PEX6: variants seen among roughly 807,000 people sequenced by gnomAD.
PEX6 encodes peroxisomal biogenesis factor 6.
In PEX6, 55 loss-of-function variants were observed where a neutral mutation model predicts 85.6. That is an observed-to-expected ratio of 0.64 (90% CI 0.52 to 0.80). The LOEUF (loss-of-function observed/expected upper bound fraction) is 0.80. Ranked by LOEUF, PEX6 falls within the 30% of genes least tolerant of loss-of-function variation. The pLI is 0.00. For missense variants in PEX6, 1,099 were observed against 1,260.3 expected (o/e 0.87, Z 1.94); for synonymous variants, 519 against 549.1 (o/e 0.95, Z 0.77).
At chr6:42,970,081 GCAC>G in intron 3 of PEX6, 94 bp from the exon 4 acceptor site, 1 of 959,062 alleles carries the variant, frequency 1.0e-6, no homozygotes, top group East Asian at 2.4e-5. Context: ...ACAAACAAAA[GCAC>G]CACAAGAGCG....
intron 7 of PEX6, among the ~76,000 whole-genome samples, chr6:42,967,942 T>TC (rs1352803789): frequency 2.0e-4 from 24 of 122,052 alleles, no homozygotes; most frequent in South Asian, 5.5e-4. Context: ...GCCCCCCCGC[T>TC]CCCCCTTTTT....
In PEX6 at chr6:42,964,665, G is replaced by A; in HGVS notation, c.2806+125C>T. Reference sequence around the variant, plus strand: ...AGTTGGGGTCTCTCTGTGTTGCCCAGGCTGGCCTCAAACTCCTGGGCTCAA... The same window carrying A: ...AGTTGGGGTCTCTCTGTGTTGCCCAAGCTGGCCTCAAACTCCTGGGCTCAA... On this transcript the variant is annotated intron_variant, in intron 16 of 16. Transcript: ENST00000304611. This position sits in a 1 kb window ranked among gnomAD's most constrained non-coding sequence, Gnocchi z 4.6. 1 of 1,389,534 alleles carries A rather than the reference G, an allele frequency of 7.2e-7. No homozygotes were observed. The highest frequency in any genetic ancestry group is 1.0e-6 in the Non-Finnish European group (1 of 981,668). 86.1% of individuals were successfully genotyped at this position (1,389,534 alleles called of 1,614,324 possible).
At position 42,965,564 on chromosome 6, in the gene PEX6, T is replaced by C. The variant is rs1403442342; in HGVS notation, c.2471+117A>G. 1.1e-5 allele frequency: 10 copies of C among 923,890 alleles called. No homozygotes were observed. The highest frequency in any genetic ancestry group is 1.6e-5 in the Non-Finnish European group (9 of 552,196). The allele number at this position is 923,890 out of a possible 1,614,324, so 57.2% of individuals were successfully genotyped here. The stretch of plus-strand genomic sequence containing the variant: ...TGGCCCCTTTCAGCTTCCATTATAT[T>C]ATCTCAGAACTGAAACAGCAGGAAC... On this transcript the variant is annotated intron_variant, in intron 13 of 16. Transcript: ENST00000304611. This position sits in a 1 kb window ranked among gnomAD's most constrained non-coding sequence, Gnocchi z 5.0.
In PEX6 at chr6:42,969,669, C is replaced by G; in HGVS notation, c.1366G>C (p.Gly456Arg). 2 of 1,612,634 alleles carry G rather than the reference C, an allele frequency of 1.2e-6. No homozygotes were observed. The highest frequency in any genetic ancestry group is 1.7e-6 in the Non-Finnish European group (2 of 1,179,994). ...CAVLKPRLQP[G>R]GALLTGTSSV... ...CCCTGGGGTGATGACCTCACTCACC[C>G]TGGCTGGAGGCGAGGCTTCAGGACA... Residue 456 changes from glycine to arginine, a missense_variant and splice_region_variant, in exon 5 of 17, where the codon GGG becomes CGG. By Grantham distance (125) the Gly-to-Arg change is moderately radical. This residue lies in a region of PEX6 where 579 missense variants were observed against 611.6 expected (regional missense o/e 0.95). Coordinates refer to ENST00000304611, the MANE Select transcript of PEX6 (RefSeq NM_000287.4).
rs1371507879 is a variant in PEX6 at position 42,966,226 on chromosome 6, C to T, written c.2300+16G>A. ...CCCCTGATCCACCCACCATCCCTTC[C>T]AGGCCCCCTGGCCACCTGAGGAAGG... On this transcript the variant is annotated intron_variant, in intron 11 of 16. Transcript: ENST00000304611. The T allele has an allele frequency of 1.2e-6, 2 of 1,611,774 alleles. No homozygotes were observed. Among genetic ancestry groups the T allele is most frequent in the Admixed American group, 1.7e-5 (1 of 59,996 alleles).
intron 6 of PEX6, 118 bp downstream of exon 6, chr6:42,968,756 G>A: frequency 1.2e-6 from 1 of 855,774 alleles, no homozygotes; most frequent in East Asian, 2.4e-5. Context: ...GACCCACTGG[G>A]CTGAAGTGCT....
Position 42,978,400 on chromosome 6 carries a change from G to A in PEX6, c.751C>T (p.Leu251Phe), listed in dbSNP as rs769332435. The change falls in exon 1 of 17, where the codon CTC (leucine) becomes TTC (phenylalanine). Residue 251 changes from leucine to phenylalanine, a missense_variant. Transcript: ENST00000304611. ...RVQVLEPRWD[L>F]SDRLGPGSGP... is the part of the protein sequence containing the mutation. ...GAGCCGGGTCCCAGTCTATCAGAGAGGTCCCAGCGAGGTTCTAGGACCTGC... is the reference window on the plus strand; with the variant it reads ...GAGCCGGGTCCCAGTCTATCAGAGAAGTCCCAGCGAGGTTCTAGGACCTGC... 38 of 1,614,062 alleles carry A rather than the reference G, an allele frequency of 2.4e-5. No individual in the cohort carries two copies. Among genetic ancestry groups the A allele is most frequent in the Non-Finnish European group, 3.1e-5 (37 of 1,180,040 alleles).
chr6:42,967,366 A>G lies in PEX6; in HGVS notation c.1884+2T>C, dbSNP rs771875112. On this transcript the variant is annotated splice_donor_variant, in intron 8 of 16. Coordinates refer to ENST00000304611, the MANE Select transcript of PEX6 (RefSeq NM_000287.4). LOFTEE classifies it high-confidence loss of function. ...GGGCCAGTACTCTCCCTTGATACTC[A>G]CTGCACACCGCCGTGCTAGCTGTGC... The G allele has an allele frequency of 6.2e-7, 1 of 1,611,644 alleles. No individual in the cohort carries two copies. The highest frequency in any genetic ancestry group is 1.7e-5 in the Admixed American group (1 of 59,780).
In PEX6 at chr6:42,964,657, G is replaced by A. The variant is rs1299605830; in HGVS notation, c.2806+133C>T. ...TTTTTTAGAGTTGGGGTCTCTCTGT[G>A]TTGCCCAGGCTGGCCTCAAACTCCT... On this transcript the variant is annotated intron_variant, in intron 16 of 16. Transcript: ENST00000304611. The surrounding 1 kb of genome is among the most constrained non-coding windows in gnomAD (Gnocchi z 4.6). The A allele has an allele frequency of 1.5e-6, 2 of 1,340,932 alleles. No homozygotes were observed. Among genetic ancestry groups the A allele is most frequent in the African/African-American group, 1.4e-5 (1 of 69,230 alleles). 83.1% of individuals were successfully genotyped at this position (1,340,932 alleles called of 1,614,324 possible).
Position 42,964,466 on chromosome 6 carries a change from C to G in PEX6, c.2812G>C (p.Glu938Gln). The change falls in exon 17 of 17, where the codon GAG becomes CAG. Residue 938 changes from glutamate (E) to glutamine (Q), a missense_variant. Physicochemically the swap from Glu to Gln is conservative, Grantham distance 29. Coordinates refer to ENST00000304611, the MANE Select transcript of PEX6 (RefSeq NM_000287.4). This position sits in a 1 kb window ranked among gnomAD's most constrained non-coding sequence, Gnocchi z 4.6. ...RRVHDLEEGL[E>Q]PGSSALMLTM... ...AGCATCAGTGCTGAGCTACCTGGCT[C>G]CAGCCCTGGAGATGACAAGGTGGGG... is the stretch of plus-strand genomic sequence containing the variant. 6.2e-7 allele frequency: 1 copy of G among 1,613,272 alleles called. No homozygotes were observed. Among genetic ancestry groups the G allele is most frequent in the South Asian group, 1.1e-5 (1 of 91,052 alleles).
chr6:42,969,311 C>T (rs888841331), intron 5 of PEX6, among the ~76,000 whole-genome samples: 28 of 152,182 alleles, frequency 1.8e-4, no homozygotes, highest in Admixed American at 3.9e-4. Flanking sequence ...TGGGGATCTG[C>T]GTCCACACCT....
chr6:42,973,556 A>G (rs1293007736), intron 3 of PEX6, among the ~76,000 whole-genome samples: 1 of 152,044 alleles, frequency 6.6e-6, no homozygotes, highest in African/African-American at 2.4e-5. Context: ...TTTCTCTCCA[A>G]AAAAATGTAC....
intron 8 of PEX6, 137 bp from the exon 9 acceptor site, chr6:42,966,995 G>A (rs1438927156): frequency 9.5e-5 from 65 of 683,488 alleles, no homozygotes; most frequent in Non-Finnish European, 1.4e-4. Context: ...TTTTTGAGAC[G>A]GAGTTTTGCT....
intron 11 of PEX6, 30 bp downstream of exon 11, chr6:42,966,208 TCCAC>T (rs1769796449): frequency 6.2e-7 from 1 of 1,610,762 alleles, no homozygotes; most frequent in Non-Finnish European, 8.5e-7. Flanking sequence ...CAGCCCCTGA[TCCAC>T]CCACCATCCC....
chr6:42,968,787 G>A lies in PEX6; in HGVS notation c.1479+87C>T, dbSNP rs1399594097. The A allele has an allele frequency of 5.0e-6, 5 of 999,164 alleles. No homozygotes were observed. The African/African-American group carries it at 7.9e-5, about 16-fold the overall frequency. The allele number at this position is 999,164 out of a possible 1,614,324, so 61.9% of individuals were successfully genotyped here. ...GTGCTAGGGCCTGTGAGTAGACAGAGGAGGGAGGGGAGAGGAAGCAGCAGA... is the reference window on the plus strand; with the variant it reads ...GTGCTAGGGCCTGTGAGTAGACAGAAGAGGGAGGGGAGAGGAAGCAGCAGA... On this transcript the variant is annotated intron_variant, in intron 6 of 16. Transcript: ENST00000304611.
At position 42,978,965 on chromosome 6, in the gene PEX6, C is replaced by T. The variant is rs1234108687; in HGVS notation, c.186G>A (p.Ala62=). 1.3e-6 allele frequency: 2 copies of T among 1,497,312 alleles called. No homozygotes were observed. The allele number at this position is 1,497,312 out of a possible 1,614,324, so 92.8% of individuals were successfully genotyped here. The change falls in exon 1 of 17, where the codon GCG becomes GCA. Residue 62 remains alanine (A), a synonymous_variant. Transcript: ENST00000304611. Reference sequence around the variant, plus strand: ...GCCCGGGACCCTGCTCTTCGGTGCCCGCGTCCGGCCCCTCCAGGGCTGCCA... The same window carrying T: ...GCCCGGGACCCTGCTCTTCGGTGCCTGCGTCCGGCCCCTCCAGGGCTGCCA... ...LLVAALEGPD[A]GTEEQGPGPP...
At chr6:42,970,037 C>A (rs889796169) in intron 3 of PEX6, 50 bp from the exon 4 acceptor site, 1 of 1,432,354 alleles carries the variant, frequency 7.0e-7, no homozygotes, top group African/African-American at 1.4e-5. Context: ...CAAAAACCCC[C>A]CTCCTCAAGG....
intron 6 of PEX6, 105 bp downstream of exon 6, chr6:42,968,769 G>C: frequency 1.1e-6 from 1 of 906,014 alleles, no homozygotes; most frequent in Non-Finnish European, 1.9e-6. Flanking sequence ...GAAGTGCTAG[G>C]GCCTGTGAGT....
rs1770049926 is a variant in PEX6, at chr6:42,971,342, C to T, written c.1131-1355G>A. On this transcript the variant is annotated intron_variant, in intron 3 of 16. Transcript: ENST00000304611. The surrounding 1 kb of genome is among the most constrained non-coding windows in gnomAD (Gnocchi z 4.4). ...GTGTGTATGACTCACCATGGAAGCC[C>T]TGCATAGGAATGAGATGGGGGACAG... Among the ~76,000 whole-genome samples the T allele has an allele frequency of 6.6e-6, 1 of 152,178 alleles. No individual in the cohort carries two copies. Among genetic ancestry groups the T allele is most frequent in the Admixed American group, 6.6e-5 (1 of 15,264 alleles).
Sources: allele counts gnomAD v4.1 joint callset (sites outside exome capture counted in the v4.1 genomes callset), GRCh38; gene constraint gnomAD v4.1.1; regional missense constraint gnomAD v4.1.1; non-coding constraint Gnocchi (gnomAD v3.1); transcripts MANE v1.5; gene names NCBI Gene and HGNC (gene_info 2026-07-23, HGNC 2026-07-21).